The following PDGFRA variants were observed in gnomAD, a reference collection of about 807,000 sequenced individuals.
The protein encoded by PDGFRA is platelet-derived growth factor receptor alpha.
A neutral mutation model predicts 121.5 loss-of-function variants in PDGFRA; 25 were observed. The ratio of observed to expected loss-of-function variants is 0.21; its 90% CI spans 0.15 to 0.29. The LOEUF is 0.29. Among genes scored for constraint, PDGFRA ranks in the 10% least tolerant of loss-of-function variants. PDGFRA has a pLI of 1.00. For synonymous variants in PDGFRA, 463 were observed against 494.8 expected (o/e 0.94, Z 0.85); for missense variants, 1,008 against 1,345.1 (o/e 0.75, Z 3.92).
At chr4:54,244,303 C>G (rs1460820409) in intron 1 of PDGFRA, among the ~76,000 whole-genome samples, 1 of 152,232 alleles carries the variant, frequency 6.6e-6, no homozygotes, top group East Asian at 1.9e-4. Context: ...AGCAGCCTAA[C>G]TGGGAGGCAC....
At chr4:54,287,312 T>C (rs1013179471) in intron 18 of PDGFRA, 118 bp from the exon 19 acceptor site, 35 of 760,398 alleles carry the variant, frequency 4.6e-5, no homozygotes, top group Admixed American at 3.4e-4. Context: ...GACACTCAAA[T>C]GGGACAAGAT....
At chr4:54,266,088 A>G (rs75201529) in intron 5 of PDGFRA, among the ~76,000 whole-genome samples, 33 of 152,342 alleles carry the variant, frequency 2.2e-4, no homozygotes, top group African/African-American at 7.7e-4. Flanking sequence ...TCTTCCCTGA[A>G]ATATGAAGTG....
intron 1 of PDGFRA, among the ~76,000 whole-genome samples, chr4:54,254,736 C>T (rs1211733872): frequency 6.6e-6 from 1 of 152,150 alleles, no homozygotes; most frequent in African/African-American, 2.4e-5. Flanking sequence ...AGTGTTACTG[C>T]TAATTGTGGT....
chr4:54,284,914 C>T (rs1272806464), intron 16 of PDGFRA, among the ~76,000 whole-genome samples: 1 of 115,732 alleles, frequency 8.6e-6, no homozygotes, highest in Non-Finnish European at 1.7e-5. Flanking sequence ...GACAGAGTCT[C>T]ACTCTGTCAC....
At position 54,297,065 on chromosome 4, in the gene PDGFRA, C is replaced by G. The variant is rs544565005; in HGVS notation, c.*1793C>G. On this transcript the variant is annotated 3_prime_UTR_variant, in exon 23 of 23. Coordinates refer to ENST00000257290, the MANE Select transcript of PDGFRA (RefSeq NM_006206.6). ...TTATGCAATTCAGTGTTCCAAGTCT[C>G]TGTGTAACCAGCTCAGTGTTTTGGT... The G allele has an allele frequency of 1.4e-4, 32 of 233,228 alleles. No individual in the cohort carries two copies. The highest frequency in any genetic ancestry group is 6.8e-4 in the African/African-American group (31 of 45,472). 14.4% of individuals were successfully genotyped at this position (233,228 alleles called of 1,614,324 possible). A position where few individuals can be genotyped will look rare whatever the true frequency, so the allele number is the denominator to read the frequency against.
At chr4:54,230,138 C>T (rs1560441362) in intron 1 of PDGFRA, among the ~76,000 whole-genome samples, 1 of 151,892 alleles carries the variant, frequency 6.6e-6, no homozygotes. Flanking sequence ...GGCGGTGAGG[C>T]GGCTGCGGGA....
chr4:54,276,228 A>G (rs1427082851), intron 12 of PDGFRA, among the ~76,000 whole-genome samples: 1 of 151,820 alleles, frequency 6.6e-6, no homozygotes, highest in Non-Finnish European at 1.5e-5. Context: ...TTCACCCCCT[A>G]CCCACCAAAT....
intron 12 of PDGFRA, chr4:54,277,037 G>A (rs1181101478): frequency 8.9e-6 from 3 of 338,402 alleles, no homozygotes; most frequent in African/African-American, 6.3e-5. Context: ...AAACAGAAGG[G>A]GAGAGAGCCA....
rs190242331 is a variant in PDGFRA, at chr4:54,277,502, C to T, written c.1891+10C>T. On this transcript the variant is annotated intron_variant, in intron 13 of 22. Transcript: ENST00000257290. ...GTGAAGATGCTAAAACGTAAGTGCT[C>T]CTTCCTGGGGATTTTTTGAGCACGG... is the stretch of plus-strand genomic sequence containing the variant. The T allele has an allele frequency of 4.2e-5, 67 of 1,579,354 alleles. No individual in the cohort carries two copies. The African/African-American group carries it at 8.0e-4, about 19-fold the overall frequency.
At chr4:54,245,879 C>G (rs796966907) in intron 1 of PDGFRA, among the ~76,000 whole-genome samples, 1 of 151,744 alleles carries the variant, frequency 6.6e-6, no homozygotes, top group African/African-American at 2.4e-5. Flanking sequence ...ATCTACCAAG[C>G]AAATGGAAAA....
chr4:54,264,727 T>C (rs887624007), intron 4 of PDGFRA, 192 bp from the exon 5 acceptor site: 15 of 545,806 alleles, frequency 2.7e-5, no homozygotes, highest in African/African-American at 2.3e-4. Flanking sequence ...TTCTGTATTA[T>C]AACTATATGC....
chr4:54,279,536 C>T (rs941715657), intron 15 of PDGFRA, among the ~76,000 whole-genome samples: 1 of 152,116 alleles, frequency 6.6e-6, no homozygotes, highest in Non-Finnish European at 1.5e-5. Flanking sequence ...TTTTACATTT[C>T]TTTTTTTCCC....
chr4:54,286,319 T>TTTTA (rs144165770), intron 18 of PDGFRA, among the ~76,000 whole-genome samples: 33,377 of 146,190 alleles, frequency 0.23, 4,164 homozygotes, highest in Middle Eastern at 0.3. Context: ...ATGTTAGCTA[T>TTTTA]TTTATTTATT....
At chr4:54,287,328 G>A (rs1724409077) in intron 18 of PDGFRA, 102 bp from the exon 19 acceptor site, 2 of 767,914 alleles carry the variant, frequency 2.6e-6, no homozygotes, top group Admixed American at 1.7e-5. Context: ...AAGATAATTA[G>A]CACAAGTTAT....
chr4:54,265,042 G>A lies in PDGFRA; in HGVS notation c.752G>A (p.Gly251Glu), dbSNP rs771701353. The change falls in exon 5 of 23, where the codon GGA becomes GAA. Residue 251 changes from glycine (G) to glutamate (E), a missense_variant. Coordinates refer to ENST00000257290, the MANE Select transcript of PDGFRA (RefSeq NM_006206.6). ...GTTGACCTTCAATGGACTTACCCTGGAGAAGTGGTAGGTACCCTCAAAACG... is the reference window on the plus strand; with the variant it reads ...GTTGACCTTCAATGGACTTACCCTGAAGAAGTGGTAGGTACCCTCAAAACG... Reference protein sequence around the residue: ...EVVDLQWTYPGEVKGKGITML... With the variant: ...EVVDLQWTYPEEVKGKGITML... 1 of 1,613,696 alleles carries A rather than the reference G, an allele frequency of 6.2e-7. No individual in the cohort carries two copies. Among genetic ancestry groups the A allele is most frequent in the Non-Finnish European group, 8.5e-7 (1 of 1,179,718 alleles).
chr4:54,269,099 C>T lies in PDGFRA; in HGVS notation c.1121+1358C>T, dbSNP rs187469071. 1.0e-3 allele frequency among the ~76,000 whole-genome samples: 152 copies of T among 151,990 alleles called. 1 individual carries two copies. Among genetic ancestry groups the T allele is most frequent in the Non-Finnish European group, 7.4e-4 (50 of 67,980 alleles). ...CAAGAAAACCAGTGGTTTTCTTGGC[C>T]GAAGAAGTGAAGAGAACAAACAGCA... On this transcript the variant is annotated intron_variant, in intron 7 of 22. Transcript: ENST00000257290.
rs561833414 is a variant in PDGFRA, at chr4:54,237,403, G to A, written c.-13+7988G>A. ...TTAGAGCTTGCACAGGAAAAGCAGT[G>A]AGCCCTTCTTTTAAGCTGGAGAAAG... On this transcript the variant is annotated intron_variant, in intron 1 of 22. Transcript: ENST00000257290. Among the ~76,000 whole-genome samples the A allele has an allele frequency of 5.3e-5, 8 of 152,316 alleles. 1 individual carries two copies. In the South Asian group the frequency reaches 1.7e-3, roughly 32 times the overall value.
rs1463281203 is a variant in PDGFRA, at chr4:54,298,113, T to C, written c.*2841T>C. The C allele has an allele frequency of 4.5e-6, 1 of 220,192 alleles. No individual in the cohort carries two copies. The highest frequency in any genetic ancestry group is 2.2e-5 in the African/African-American group (1 of 44,626). 13.6% of individuals were successfully genotyped at this position (220,192 alleles called of 1,614,324 possible). On this transcript the variant is annotated 3_prime_UTR_variant, in exon 23 of 23. Coordinates refer to ENST00000257290, the MANE Select transcript of PDGFRA (RefSeq NM_006206.6). ...GTTCCCAAAACAATGGTGTGGTGAA[T>C]GTGTGAGAAAAACTAACTTGATAGG...
At chr4:54,272,586 T>C in intron 9 of PDGFRA, 66 bp downstream of exon 9, 1 of 1,549,872 alleles carries the variant, frequency 6.5e-7, no homozygotes, top group Non-Finnish European at 8.8e-7. Flanking sequence ...ACAAATGATG[T>C]CAAATACATT....
Sources: gnomAD v4.1 joint callset for allele counts (sites outside exome capture counted in the v4.1 genomes callset) on GRCh38, gnomAD v4.1.1 for gene constraint, MANE v1.5 for transcripts, NCBI Gene and HGNC (gene_info 2026-07-23, HGNC 2026-07-21) for gene names.